Variants in SQOR observed in about 807,000 individuals in gnomAD.
SQOR encodes sulfide:quinone oxidoreductase, mitochondrial.
Under a neutral mutation model 48.6 loss-of-function variants are expected in SQOR, and 39 were observed. That is an observed-to-expected ratio of 0.80 (90% CI 0.62 to 1.05). The LOEUF is 1.05. Ranked by LOEUF, SQOR falls within the 50% of genes least tolerant of loss-of-function variation. SQOR has a pLI of 0.00. For missense variants in SQOR, 561 were observed against 559.9 expected, an observed-to-expected ratio of 1.00 and a Z score of -0.02; for synonymous variants, 220 against 206.2, an observed-to-expected ratio of 1.07 and a Z score of -0.57.
At chr15:45,653,364 C>A (rs1889532509) in intron 1 of SQOR, among the ~76,000 whole-genome samples, 1 of 151,926 alleles carries the variant, frequency 6.6e-6, no homozygotes, top group Non-Finnish European at 1.5e-5. Flanking sequence ...TCAGCTAGAA[C>A]TACTCAAAGA....
chr15:45,676,174 C>A lies in SQOR; in HGVS notation c.728C>A (p.Ala243Glu). 6.2e-7 allele frequency: 1 copy of A among 1,614,158 alleles called. No individual in the cohort carries two copies. ...LGAIFGVKKY[A>E]DALQEIIQER... is the part of the protein sequence containing the mutation. The stretch of plus-strand genomic sequence containing the variant: ...GCCATTTTCGGGGTTAAGAAGTATG[C>A]AGATGCCCTGCAGGAGATCATCCAG... The change falls in exon 6 of 10, where the codon GCA becomes GAA. Residue 243 changes from alanine (A) to glutamate (E), a missense_variant. By Grantham distance (107) the Ala-to-Glu change is moderately radical. Coordinates refer to ENST00000260324, the MANE Select transcript of SQOR (RefSeq NM_021199.4).
In SQOR at chr15:45,659,680, T is replaced by C. The variant is rs183925316; in HGVS notation, c.234+523T>C. On this transcript the variant is annotated intron_variant, in intron 2 of 9. Transcript: ENST00000260324. ...TTCTCTGTGTGTCTCTGTGTCCCTG[T>C]GTCTTCACATGACCCTTTTATAAAG... 2.2e-4 allele frequency among the ~76,000 whole-genome samples: 33 copies of C among 152,380 alleles called. No individual in the cohort carries two copies. In the East Asian group the frequency reaches 6.2e-3, roughly 29 times the overall value.
chr15:45,664,020 T>C (rs1273131881), intron 3 of SQOR, among the ~76,000 whole-genome samples: 1 of 152,164 alleles, frequency 6.6e-6, no homozygotes, highest in Non-Finnish European at 1.5e-5. Flanking sequence ...AATTATATAG[T>C]ATGTTAGAAT....
At chr15:45,668,642 C>T (rs914108646) in intron 3 of SQOR, among the ~76,000 whole-genome samples, 1 of 152,184 alleles carries the variant, frequency 6.6e-6, no homozygotes, top group Non-Finnish European at 1.5e-5. Flanking sequence ...TCCCTTGGCT[C>T]CTCAGCCAGA....
At chr15:45,683,398 T>G (rs1384286315) in intron 7 of SQOR, among the ~76,000 whole-genome samples, 1 of 152,220 alleles carries the variant, frequency 6.6e-6, no homozygotes, top group African/African-American at 2.4e-5. Context: ...TTAAGACAAA[T>G]ACAGTGGAGC....
chr15:45,666,729 CCCCTCCCCTT>C (rs1293557924), intron 3 of SQOR, among the ~76,000 whole-genome samples: 2 of 139,716 alleles, frequency 1.4e-5, no homozygotes, highest in African/African-American at 5.3e-5. Context: ...CTTTTCCTCT[CCCCTCCCCTT>C]CCCTCCTCTC....
At chr15:45,658,624 A>T (rs1444385191) in intron 1 of SQOR, among the ~76,000 whole-genome samples, 2 of 152,200 alleles carry the variant, frequency 1.3e-5, no homozygotes, top group Non-Finnish European at 2.9e-5. Flanking sequence ...ACAGGTTATT[A>T]GGAAGGACTT....
At chr15:45,661,311 A>C (rs1207256335) in intron 2 of SQOR, among the ~76,000 whole-genome samples, 2 of 150,672 alleles carry the variant, frequency 1.3e-5, no homozygotes, top group Admixed American at 1.3e-4. Context: ...AAAAAAAAAA[A>C]AAAGGACCAT....
At chr15:45,650,421 C>T (rs1376040873) in intron 1 of SQOR, among the ~76,000 whole-genome samples, 1 of 152,130 alleles carries the variant, frequency 6.6e-6, no homozygotes, top group Non-Finnish European at 1.5e-5. Context: ...TCGTGGTCTC[C>T]CTGGCTCAGG....
At chr15:45,635,192 T>G (rs1486518860) in intron 1 of SQOR, 84 bp downstream of exon 1, 1 of 152,340 alleles carries the variant, frequency 6.6e-6, no homozygotes, top group African/African-American at 2.4e-5. Flanking sequence ...TGAGGCTGTT[T>G]GTTAGCTTAA....
intron 8 of SQOR, among the ~76,000 whole-genome samples, chr15:45,688,815 G>C (rs1890269039): frequency 6.6e-6 from 1 of 151,912 alleles, no homozygotes; most frequent in African/African-American, 2.4e-5. Flanking sequence ...GCCTGGCCCA[G>C]TTTTGCACTT....
rs922283440 is a variant in SQOR at position 45,647,014 on chromosome 15, C to T, written c.-17-11893C>T. On this transcript the variant is annotated intron_variant, in intron 1 of 9. Transcript: ENST00000260324. The stretch of plus-strand genomic sequence containing the variant: ...AGCTAAAATTTAGTAACAGGGAGGC[C>T]GAGGCTGGTGGATCAACTGAGGTCA... 2.0e-5 allele frequency among the ~76,000 whole-genome samples: 3 copies of T among 152,050 alleles called. No homozygotes were observed. The South Asian group carries it at 6.2e-4, about 32-fold the overall frequency.
chr15:45,679,466 G>A (rs1890089071), intron 6 of SQOR, among the ~76,000 whole-genome samples: 2 of 152,178 alleles, frequency 1.3e-5, no homozygotes, highest in Non-Finnish European at 1.5e-5. Flanking sequence ...CACTTTGGGA[G>A]GCCGAGGCGG....
chr15:45,650,848 A>G (rs1349233675), intron 1 of SQOR, among the ~76,000 whole-genome samples: 1 of 152,192 alleles, frequency 6.6e-6, no homozygotes, highest in Non-Finnish European at 1.5e-5. Flanking sequence ...AGTCCCCACC[A>G]GATTAGCTAG....
chr15:45,651,975 C>G (rs113326025), intron 1 of SQOR, among the ~76,000 whole-genome samples: 1 of 150,682 alleles, frequency 6.6e-6, no homozygotes, highest in South Asian at 2.1e-4. Flanking sequence ...TGCAACCCCC[C>G]GCCTCCTGGG....
intron 2 of SQOR, 72 bp downstream of exon 2, chr15:45,659,229 T>A: frequency 1.6e-6 from 2 of 1,260,740 alleles, no homozygotes; most frequent in Non-Finnish European, 2.1e-6. Flanking sequence ...TGTGTGTGTG[T>A]TCTGGGGTTG....
At chr15:45,679,509 C>T (rs1424631603) in intron 6 of SQOR, among the ~76,000 whole-genome samples, 1 of 152,114 alleles carries the variant, frequency 6.6e-6, no homozygotes, top group East Asian at 1.9e-4. Context: ...TGAGACCTGC[C>T]TGGCCAAGAT....
At chr15:45,634,198 C>CTAGATATATATATATATATATATATATA (rs1894951931), upstream of SQOR, among the ~76,000 whole-genome samples, 1 of 43,844 alleles carries the variant, frequency 2.3e-5, no homozygotes, top group Non-Finnish European at 4.9e-5. Flanking sequence ...ACAACAACAA[C>CTAGATATATATATATATATATATATATA]TATATATATA....
intron 1 of SQOR, among the ~76,000 whole-genome samples, chr15:45,637,324 A>C (rs1021458258): frequency 6.6e-6 from 1 of 152,182 alleles, no homozygotes; most frequent in Non-Finnish European, 1.5e-5. Context: ...CAGTGGAGAT[A>C]ATAACACCTT....
Sources: allele counts gnomAD v4.1 joint callset (sites outside exome capture counted in the v4.1 genomes callset), GRCh38; gene constraint gnomAD v4.1.1; transcripts MANE v1.5; gene names NCBI Gene and HGNC (gene_info 2026-07-23, HGNC 2026-07-21).